Variants in RARB observed in about 807,000 individuals in gnomAD.
RARB encodes the protein retinoic acid receptor beta.
A neutral mutation model predicts 51.9 loss-of-function variants in RARB; 17 were observed. The observed-to-expected ratio is 0.33, with a 90% CI of 0.22 to 0.49. The LOEUF is 0.49. RARB is among the 20% of genes least tolerant of loss of function. The pLI is 0.99. For missense variants in RARB, 369 were observed against 550.8 expected, an observed-to-expected ratio of 0.67 and a Z score of 3.30; for synonymous variants, 215 against 195.4, an observed-to-expected ratio of 1.10 and a Z score of -0.84.
At chr3:25,095,150 G>A (rs1183948486) in intron 3 of RARB, among the ~76,000 whole-genome samples, 1 of 152,152 alleles carries the variant, frequency 6.6e-6, no homozygotes. Flanking sequence ...CCATCACCAG[G>A]AGAGCTTTAA....
chr3:25,288,607 A>G (rs1575286113), intron 5 of RARB, among the ~76,000 whole-genome samples: 1 of 152,172 alleles, frequency 6.6e-6, no homozygotes, highest in African/African-American at 2.4e-5. Context: ...GTGAATGATT[A>G]CCTGGCCACA....
At chr3:25,357,476 A>C (rs1055740564) in intron 5 of RARB, among the ~76,000 whole-genome samples, 1 of 152,136 alleles carries the variant, frequency 6.6e-6, no homozygotes, top group African/African-American at 2.4e-5. Context: ...GTTCACTCTG[A>C]TGATAGTTTC....
intron 1 of RARB, among the ~76,000 whole-genome samples, chr3:24,856,524 C>A (rs966211053): frequency 6.6e-6 from 1 of 152,172 alleles, no homozygotes; most frequent in Non-Finnish European, 1.5e-5. Context: ...CACTCAACAC[C>A]TCTCTCCTGA....
intron 5 of RARB, among the ~76,000 whole-genome samples, chr3:25,216,819 T>C (rs925728867): frequency 2.6e-5 from 4 of 151,878 alleles, no homozygotes; most frequent in African/African-American, 9.7e-5. Context: ...TTTTAGTCTA[T>C]AGTTTTGCTC....
rs147984560 is a variant in RARB at position 25,448,957 on chromosome 3, T to C, written c.158-12236T>C. ...CCCCTCATTTGGGGCGTGCTAGTTC[T>C]GTAGACAGTGACAGAAAAGCTATTG... On this transcript the variant is annotated intron_variant, in intron 1 of 7. Coordinates refer to ENST00000330688, the MANE Select transcript of RARB (RefSeq NM_000965.5). 3.8e-3 allele frequency among the ~76,000 whole-genome samples: 581 copies of C among 152,118 alleles called. 5 individuals are homozygous for C. Among genetic ancestry groups the C allele is most frequent in the African/African-American group, 0.013 (552 of 41,490 alleles).
chr3:25,048,208 A>G (rs1698255522), intron 2 of RARB, among the ~76,000 whole-genome samples: 1 of 152,290 alleles, frequency 6.6e-6, no homozygotes, highest in East Asian at 1.9e-4. Context: ...TGCTCATTTC[A>G]TCTCTTCATT....
chr3:25,407,427 C>T (rs1223539446), intron 5 of RARB, among the ~76,000 whole-genome samples: 2 of 152,168 alleles, frequency 1.3e-5, no homozygotes, highest in Non-Finnish European at 2.9e-5. Context: ...GGACACTTCA[C>T]ATTTACAAGA....
intron 3 of RARB, among the ~76,000 whole-genome samples, chr3:25,502,263 A>G (rs193137817): frequency 2.3e-3 from 352 of 152,358 alleles, no homozygotes; most frequent in Non-Finnish European, 4.1e-3. Context: ...AGGCACCCCA[A>G]TCATGATCCT....
intron 5 of RARB, among the ~76,000 whole-genome samples, chr3:25,353,427 T>A (rs1705636973): frequency 6.6e-6 from 1 of 152,188 alleles, no homozygotes; most frequent in Non-Finnish European, 1.5e-5. Context: ...TTTAGATTTG[T>A]TTTCTGCGCT....
chr3:25,166,465 T>C (rs868499676), intron 4 of RARB, among the ~76,000 whole-genome samples: 4 of 152,048 alleles, frequency 2.6e-5, no homozygotes, highest in South Asian at 4.2e-4. Flanking sequence ...CTAAAATACA[T>C]TGGGAAAAAA....
chr3:25,129,230 T>A (rs1015234897), intron 3 of RARB, among the ~76,000 whole-genome samples: 1 of 152,134 alleles, frequency 6.6e-6, no homozygotes, highest in Non-Finnish European at 1.5e-5. Flanking sequence ...TATTCCACAC[T>A]CTATCAATTT....
At chr3:25,109,795 T>C (rs1255617916) in intron 3 of RARB, among the ~76,000 whole-genome samples, 4 of 152,118 alleles carry the variant, frequency 2.6e-5, no homozygotes, top group Admixed American at 6.5e-5. Context: ...AAAGCAGCAG[T>C]TGATTCCAAG....
intron 2 of RARB, among the ~76,000 whole-genome samples, chr3:24,916,969 A>G (rs1695120177): frequency 6.6e-6 from 1 of 152,188 alleles, no homozygotes; most frequent in Non-Finnish European, 1.5e-5. Context: ...TACACATTCA[A>G]TTATTCCATT....
chr3:25,566,972 C>G (rs1466894270), intron 3 of RARB, among the ~76,000 whole-genome samples: 1 of 152,178 alleles, frequency 6.6e-6, no homozygotes, highest in Admixed American at 6.5e-5. Flanking sequence ...GATTCTTCAC[C>G]TGCTGATGCC....
intron 4 of RARB, among the ~76,000 whole-genome samples, chr3:25,572,528 C>G (rs1286967366): frequency 3.3e-5 from 5 of 152,114 alleles, no homozygotes; most frequent in Admixed American, 3.3e-4. Context: ...CCTAAACAGT[C>G]TGACTCCAGG....
At chr3:25,338,822 G>T (rs1391519322) in intron 5 of RARB, among the ~76,000 whole-genome samples, 1 of 152,096 alleles carries the variant, frequency 6.6e-6, no homozygotes, top group Non-Finnish European at 1.5e-5. Flanking sequence ...CTTGGTAAGT[G>T]GCCACTACCC....
intron 5 of RARB, among the ~76,000 whole-genome samples, chr3:25,326,087 T>C (rs533940648): frequency 5.9e-5 from 9 of 152,178 alleles, no homozygotes; most frequent in African/African-American, 2.2e-4. Context: ...AGTGTGTTCT[T>C]CCCTGCTTAT....
chr3:24,953,678 G>A (rs1695947787), intron 2 of RARB, among the ~76,000 whole-genome samples: 1 of 152,208 alleles, frequency 6.6e-6, no homozygotes, highest in Non-Finnish European at 1.5e-5. Flanking sequence ...AGAGGCCTTT[G>A]TGCCTAGGAA....
At chr3:25,440,927 T>C (rs1273994821) in intron 1 of RARB, among the ~76,000 whole-genome samples, 1 of 152,160 alleles carries the variant, frequency 6.6e-6, no homozygotes, top group Non-Finnish European at 1.5e-5. Flanking sequence ...CACATTTATA[T>C]TAAAAATTCA....
Sources: allele counts gnomAD v4.1 joint callset (sites outside exome capture counted in the v4.1 genomes callset), GRCh38; gene constraint gnomAD v4.1.1; transcripts MANE v1.5; gene names NCBI Gene and HGNC (gene_info 2026-07-23, HGNC 2026-07-21).